OTOF: variants seen among roughly 807,000 people sequenced by gnomAD.
OTOF encodes the protein otoferlin.
Under a neutral mutation model 236.8 loss-of-function variants are expected in OTOF, and 218 were observed. The observed-to-expected ratio is 0.92, with a 90% CI of 0.82 to 1.03. The LOEUF is 1.03. Ranked by LOEUF, OTOF falls within the 50% of genes least tolerant of loss-of-function variation. The probability of loss-of-function intolerance (pLI) is 0.00; values close to 1 mark genes in which losing one functional copy is unlikely to be tolerated. For missense variants in OTOF, 2,590 were observed against 2,694.4 expected (o/e 0.96, Z 0.86); for synonymous variants, 1,041 against 1,072.5 (o/e 0.97, Z 0.57).
chr2:26,509,626 C>A (rs1399907211), intron 5 of OTOF, among the ~76,000 whole-genome samples: 1 of 152,134 alleles, frequency 6.6e-6, no homozygotes, highest in Non-Finnish European at 1.5e-5. Flanking sequence ...AACACACAAT[C>A]CTGATATTTC....
chr2:26,553,888 C>T (rs970218014), intron 1 of OTOF, among the ~76,000 whole-genome samples: 8 of 152,050 alleles, frequency 5.3e-5, no homozygotes, highest in African/African-American at 1.9e-4. Context: ...ATTTGTTAGG[C>T]TTGACTGGGC....
chr2:26,536,641 C>A (rs778241148), intron 2 of OTOF, among the ~76,000 whole-genome samples: 2 of 152,094 alleles, frequency 1.3e-5, no homozygotes, highest in Admixed American at 6.5e-5. Flanking sequence ...GCTGCTCAGC[C>A]GAACGCCAGC....
intron 9 of OTOF, among the ~76,000 whole-genome samples, chr2:26,490,577 T>A (rs60854814): frequency 0.023 from 3,507 of 152,192 alleles, 108 homozygotes; most frequent in African/African-American, 0.075. Flanking sequence ...ATATTTCCAA[T>A]GTGCTTGGGG....
rs375456571 is a variant in OTOF at position 26,553,440 on chromosome 2, C to CGTCTCT, written c.79+5047_79+5052dup. ...CTTCCTCCTCCTGCTCCTTTTCCCT[C>CGTCTCT]GTCTCTGTAGCTCTAAGTAAGCTGT... On this transcript the variant is annotated intron_variant, in intron 1 of 46. Transcript: ENST00000272371. Among the ~76,000 whole-genome samples, 33 of 152,338 alleles carry CGTCTCT rather than the reference C, an allele frequency of 2.2e-4. No individual in the cohort carries two copies. In the East Asian group the frequency reaches 6.4e-3, roughly 29 times the overall value.
At position 26,458,332 on chromosome 2, in the gene OTOF, A is replaced by C. The variant is rs1025957433; in HGVS notation, c.*18-112T>G. The C allele has an allele frequency of 5.5e-6, 6 of 1,089,012 alleles. No individual in the cohort carries two copies. The African/African-American group carries it at 6.2e-5, about 11-fold the overall frequency. 67.5% of individuals were successfully genotyped at this position (1,089,012 alleles called of 1,614,324 possible). Reference sequence around the variant, plus strand: ...AAAGCCCTGCCATGGCCCCAGCCCCAAAAGCAGTGAATGCTGGAGCCAGGG... The same window carrying C: ...AAAGCCCTGCCATGGCCCCAGCCCCCAAAGCAGTGAATGCTGGAGCCAGGG... On this transcript the variant is annotated intron_variant, in intron 46 of 46. Coordinates refer to ENST00000272371, the MANE Select transcript of OTOF (RefSeq NM_194248.3).
At chr2:26,487,925 G>A (rs796088659) in intron 11 of OTOF, among the ~76,000 whole-genome samples, 49 of 152,354 alleles carry the variant, frequency 3.2e-4, no homozygotes, top group African/African-American at 1.1e-3. Context: ...GCACTGGCCT[G>A]GGAGCTGGAG....
chr2:26,510,478 CAGA>C (rs1666355921), intron 5 of OTOF, among the ~76,000 whole-genome samples: 1 of 152,026 alleles, frequency 6.6e-6, no homozygotes, highest in Non-Finnish European at 1.5e-5. Flanking sequence ...GAGTGGAAAC[CAGA>C]AGGTCTGGCC....
intron 1 of OTOF, among the ~76,000 whole-genome samples, chr2:26,556,056 A>C (rs926865670): frequency 6.6e-6 from 1 of 152,134 alleles, no homozygotes; most frequent in Non-Finnish European, 1.5e-5. Flanking sequence ...CTTGGATGGC[A>C]CAGCACAGAA....
intron 2 of OTOF, among the ~76,000 whole-genome samples, chr2:26,532,991 G>A (rs958167255): frequency 8.5e-5 from 13 of 152,136 alleles, no homozygotes; most frequent in Non-Finnish European, 1.8e-4. Context: ...CCCATATCCC[G>A]GGCCACAGAC....
At position 26,461,155 on chromosome 2, in the gene OTOF, C is replaced by T; in HGVS notation, c.5534-125G>A. The T allele has an allele frequency of 1.2e-6, 1 of 853,132 alleles. No individual in the cohort carries two copies. Among genetic ancestry groups the T allele is most frequent in the Non-Finnish European group, 1.9e-6 (1 of 530,928 alleles). The allele number at this position is 853,132 out of a possible 1,614,324, so 52.8% of individuals were successfully genotyped here. On this transcript the variant is annotated intron_variant, in intron 43 of 46. Transcript: ENST00000272371. This position sits in a 1 kb window ranked among gnomAD's most constrained non-coding sequence, Gnocchi z 6.2. ...GACCTCCCTGAGCCCACATCTCATC[C>T]TCCTGCCTCACTCCCAGCAACTGGC...
intron 5 of OTOF, among the ~76,000 whole-genome samples, chr2:26,513,194 A>G (rs1666432718): frequency 6.6e-6 from 1 of 152,256 alleles, no homozygotes; most frequent in Admixed American, 6.5e-5. Flanking sequence ...GGAACGGGGT[A>G]ACTTCATGGC....
At chr2:26,482,288 C>T in intron 14 of OTOF, 118 bp downstream of exon 14, 1 of 1,000,496 alleles carries the variant, frequency 1.0e-6, no homozygotes, top group Non-Finnish European at 1.5e-6. Flanking sequence ...CCTGGAAGCA[C>T]CTGTGAGGCT....
At position 26,489,322 on chromosome 2, in the gene OTOF, G is replaced by A. The variant is rs770856038; in HGVS notation, c.961-27C>T. Reference sequence around the variant, plus strand: ...TTTCAGGCAGAACCACAGCCCACCCGTCAGGCCCAGCAAGGGTGAGGCTTT... The same window carrying A: ...TTTCAGGCAGAACCACAGCCCACCCATCAGGCCCAGCAAGGGTGAGGCTTT... On this transcript the variant is annotated intron_variant, in intron 10 of 46. Transcript: ENST00000272371. The A allele has an allele frequency of 1.8e-5, 28 of 1,567,464 alleles. 1 individual carries two copies. Among genetic ancestry groups the A allele is most frequent in the South Asian group, 1.1e-4 (10 of 88,416 alleles).
At chr2:26,547,630 G>A (rs1390910821) in intron 1 of OTOF, among the ~76,000 whole-genome samples, 2 of 152,150 alleles carry the variant, frequency 1.3e-5, no homozygotes, top group African/African-American at 4.8e-5. Flanking sequence ...GAGGTCAGGA[G>A]TTCAAGACCA....
At chr2:26,471,700 C>G (rs552441322) in intron 30 of OTOF, among the ~76,000 whole-genome samples, 5 of 152,214 alleles carry the variant, frequency 3.3e-5, no homozygotes, top group Non-Finnish European at 5.9e-5. Context: ...ATGGCTCACT[C>G]TGTCTCTCAT....
At chr2:26,501,338 C>A (rs1390325684) in intron 8 of OTOF, among the ~76,000 whole-genome samples, 1 of 152,224 alleles carries the variant, frequency 6.6e-6, no homozygotes, top group Non-Finnish European at 1.5e-5. Flanking sequence ...ACAGAATCGT[C>A]ATTACTTCCA....
At chr2:26,551,513 C>A (rs1425047721) in intron 1 of OTOF, among the ~76,000 whole-genome samples, 2 of 152,210 alleles carry the variant, frequency 1.3e-5, no homozygotes, top group Admixed American at 6.5e-5. Context: ...CCATCCTGGG[C>A]TAAGTGGGTT....
intron 1 of OTOF, among the ~76,000 whole-genome samples, chr2:26,546,191 T>A (rs1027036470): frequency 6.6e-6 from 1 of 152,220 alleles, no homozygotes; most frequent in East Asian, 1.9e-4. Flanking sequence ...CCAGGCGAAG[T>A]GGCTCATGCC....
intron 2 of OTOF, among the ~76,000 whole-genome samples, chr2:26,537,202 C>T (rs1167943754): frequency 2.0e-5 from 3 of 152,188 alleles, no homozygotes; most frequent in Non-Finnish European, 4.4e-5. Context: ...TATGCTTCCC[C>T]TCAAGGTCTG....
Sources: allele counts gnomAD v4.1 joint callset (sites outside exome capture counted in the v4.1 genomes callset), GRCh38; gene constraint gnomAD v4.1.1; non-coding constraint Gnocchi (gnomAD v3.1); transcripts MANE v1.5; gene names NCBI Gene and HGNC (gene_info 2026-07-23, HGNC 2026-07-21).